Variants in ABCC9 observed in about 807,000 individuals in gnomAD.
ABCC9 encodes the protein ATP-binding cassette sub-family C member 9.
Under a neutral mutation model 188.3 loss-of-function variants are expected in ABCC9, and 95 were observed. That is an observed-to-expected ratio of 0.50 (90% CI 0.43 to 0.60). The LOEUF (loss-of-function observed/expected upper bound fraction) is 0.60. Ranked by LOEUF, ABCC9 falls within the 20% of genes least tolerant of loss-of-function variation. The probability of loss-of-function intolerance (pLI) is 0.00; values close to 1 mark genes in which losing one functional copy is unlikely to be tolerated. For missense variants in ABCC9, 1,102 were observed against 1,876.3 expected (o/e 0.59, Z 7.62); for synonymous variants, 659 against 652.7 (o/e 1.01, Z -0.15).
Position 21,842,325 on chromosome 12 carries a change from C to A in ABCC9, c.3462G>T (p.Arg1154=). Residue 1154 remains arginine (R), a synonymous_variant, in exon 29 of 40, where the codon CGG becomes CGT. Coordinates refer to ENST00000261200, the MANE Select transcript of ABCC9 (RefSeq NM_020297.4). ...VAFYFIQKYF[R]VASKDLQELD... is the part of the protein sequence containing the mutation. The stretch of plus-strand genomic sequence containing the variant: ...GCTGTTTTACTTACTTAGAGGCAAC[C>A]CGAAAGTATTTCTGGATAAAATAAA... 2.5e-6 allele frequency: 4 copies of A among 1,613,760 alleles called. No individual in the cohort carries two copies. Among genetic ancestry groups the A allele is most frequent in the Non-Finnish European group, 3.4e-6 (4 of 1,179,870 alleles).
intron 37 of ABCC9, among the ~76,000 whole-genome samples, chr12:21,809,164 A>G (rs1009984181): frequency 2.7e-5 from 4 of 146,384 alleles, no homozygotes; most frequent in Admixed American, 6.7e-5. Context: ...AAAATTATAC[A>G]TGTTCCTTTT....
intron 19 of ABCC9, among the ~76,000 whole-genome samples, chr12:21,864,182 A>G (rs1167053939): frequency 6.6e-6 from 1 of 152,068 alleles, no homozygotes; most frequent in African/African-American, 2.4e-5. Context: ...TTTACTGAGG[A>G]TAGTTTGAGT....
intron 29 of ABCC9, among the ~76,000 whole-genome samples, chr12:21,839,252 G>GTGA (rs1944257727): frequency 6.6e-6 from 1 of 152,192 alleles, no homozygotes; most frequent in South Asian, 2.1e-4. Flanking sequence ...CCTATTTGCT[G>GTGA]TGATGATCAA....
chr12:21,862,922 T>C, intron 20 of ABCC9, 31 bp downstream of exon 20: 1 of 1,419,690 alleles, frequency 7.0e-7, no homozygotes, highest in Non-Finnish European at 1.0e-6. Flanking sequence ...AGTTGCCATT[T>C]TGGTTCTAAA....
intron 30 of ABCC9, among the ~76,000 whole-genome samples, chr12:21,834,063 G>A (rs1007099423): frequency 6.6e-6 from 1 of 151,994 alleles, no homozygotes; most frequent in East Asian, 1.9e-4. Flanking sequence ...TTTTGCCTTC[G>A]ATTCTCTCCA....
At chr12:21,807,527 C>T (rs1363864916) in intron 37 of ABCC9, 48 bp from the exon 38 acceptor site, 5 of 1,612,498 alleles carry the variant, frequency 3.1e-6, no homozygotes, top group South Asian at 2.2e-5. Context: ...ATGCTACTAA[C>T]ATTTACCTTG....
At position 21,899,055 on chromosome 12, in the gene ABCC9, G is replaced by A. The variant is rs1430045908; in HGVS notation, c.1619-3740C>T. On this transcript the variant is annotated intron_variant, in intron 12 of 39. Coordinates refer to ENST00000261200, the MANE Select transcript of ABCC9 (RefSeq NM_020297.4). ...TGCAAATATTTTTAACCCTTTTCCC[G>A]TTTAGAAAAAACAAAGTGTATCTCA... 3.9e-5 allele frequency among the ~76,000 whole-genome samples: 6 copies of A among 152,060 alleles called. 1 individual carries two copies. In the East Asian group the frequency reaches 7.7e-4, roughly 20 times the overall value.
chr12:21,897,384 T>C (rs564905823), intron 12 of ABCC9, among the ~76,000 whole-genome samples: 1 of 152,300 alleles, frequency 6.6e-6, no homozygotes, highest in African/African-American at 2.4e-5. Flanking sequence ...TGATGATAGT[T>C]TCTTTTGCTG....
At chr12:21,896,221 A>G (rs778285910) in intron 12 of ABCC9, among the ~76,000 whole-genome samples, 1 of 151,342 alleles carries the variant, frequency 6.6e-6, no homozygotes, top group Non-Finnish European at 1.5e-5. Flanking sequence ...TTAACAGTAG[A>G]GGACTCCGGT....
chr12:21,821,084 G>C (rs11046196), intron 31 of ABCC9, among the ~76,000 whole-genome samples: 7,602 of 152,174 alleles, frequency 0.05, 304 homozygotes, highest in South Asian at 0.087. Context: ...AACATTCACT[G>C]AGTTTTTCTA....
chr12:21,843,102 T>C (rs894180640), intron 28 of ABCC9, among the ~76,000 whole-genome samples: 2 of 152,176 alleles, frequency 1.3e-5, no homozygotes, highest in Non-Finnish European at 2.9e-5. Context: ...AGTAACCTAT[T>C]TTCCTTATTG....
At chr12:21,831,007 T>TATCTATCTA (rs1380815466) in intron 30 of ABCC9, 1 of 149,730 alleles carries the variant, frequency 6.7e-6, no homozygotes, top group African/African-American at 2.5e-5. Flanking sequence ...TCTATCTATC[T>TATCTATCTA]ATCTATCATC....
intron 16 of ABCC9, among the ~76,000 whole-genome samples, chr12:21,878,750 T>C (rs1438040232): frequency 7.1e-6 from 1 of 140,620 alleles, no homozygotes; most frequent in African/African-American, 2.5e-5. Flanking sequence ...GAATGCAATG[T>C]CACCTTCTGA....
intron 13 of ABCC9, among the ~76,000 whole-genome samples, chr12:21,895,008 G>C (rs1947332169): frequency 6.6e-6 from 1 of 152,156 alleles, no homozygotes; most frequent in South Asian, 2.1e-4. Context: ...AACTGAGGTT[G>C]CTACTGGCAC....
At chr12:21,904,486 C>T (rs1030210057) in intron 12 of ABCC9, among the ~76,000 whole-genome samples, 2 of 152,164 alleles carry the variant, frequency 1.3e-5, no homozygotes, top group African/African-American at 4.8e-5. Flanking sequence ...TCAAAGCAAA[C>T]AGGCAACCTA....
chr12:21,859,802 T>G, intron 21 of ABCC9, 136 bp from the exon 22 acceptor site: 1 of 801,142 alleles, frequency 1.2e-6, no homozygotes, highest in Non-Finnish European at 2.2e-6. Flanking sequence ...GTAGTAACAT[T>G]GGTAAGAAAA....
At chr12:21,886,039 C>T (rs142751417) in intron 15 of ABCC9, among the ~76,000 whole-genome samples, 9 of 151,968 alleles carry the variant, frequency 5.9e-5, no homozygotes, top group South Asian at 2.1e-4. Flanking sequence ...TTATGACTCA[C>T]GGTGGAATAA....
At position 21,893,050 on chromosome 12, in the gene ABCC9, A is replaced by G. The variant is rs372597923; in HGVS notation, c.1802+982T>C. ...GCATTCTGAGGTTTTATAGGTTTAT[A>G]AAGAGCATATATCTAAAAAGAAAAA... On this transcript the variant is annotated intron_variant, in intron 14 of 39. Coordinates refer to ENST00000261200, the MANE Select transcript of ABCC9 (RefSeq NM_020297.4). Among the ~76,000 whole-genome samples the G allele has an allele frequency of 5.3e-5, 8 of 152,316 alleles. No homozygotes were observed. The East Asian group carries it at 7.7e-4, about 15-fold the overall frequency.
At chr12:21,895,131 A>T (rs917106238) in intron 13 of ABCC9, 144 bp downstream of exon 13, 10 of 712,734 alleles carry the variant, frequency 1.4e-5, no homozygotes, top group Non-Finnish European at 1.7e-5. Flanking sequence ...GAAACCCTGG[A>T]TTAGAACTCT....
Sources: allele counts gnomAD v4.1 joint callset (sites outside exome capture counted in the v4.1 genomes callset), GRCh38; gene constraint gnomAD v4.1.1; transcripts MANE v1.5; gene names NCBI Gene and HGNC (gene_info 2026-07-23, HGNC 2026-07-21).